Variants in GPR107 observed in about 807,000 individuals in gnomAD.
The protein encoded by GPR107 is protein GPR107.
A neutral mutation model predicts 75.5 loss-of-function variants in GPR107; 31 were observed. The ratio of observed to expected loss-of-function variants is 0.41; its 90% confidence interval spans 0.31 to 0.55. GPR107 has a LOEUF of 0.55. GPR107 is among the 20% of genes least tolerant of loss of function. The pLI, the probability that GPR107 is intolerant of heterozygous loss-of-function variation, is 0.26. For synonymous variants in GPR107, 267 were observed against 251.3 expected, an observed-to-expected ratio of 1.06 and a Z score of -0.59; for missense variants, 572 against 665.7, an observed-to-expected ratio of 0.86 and a Z score of 1.55.
At chr9:130,084,047 C>CATATATATATATATATATATATATAT (rs139002438) in intron 6 of GPR107, among the ~76,000 whole-genome samples, 68 of 130,886 alleles carry the variant, frequency 5.2e-4, no homozygotes, top group East Asian at 8.7e-4. Flanking sequence ...AGAGAGCTAA[C>CATATATATATATATATATATATATAT]ATATATATAT....
chr9:130,083,861 T>C (rs1241467339), intron 6 of GPR107, among the ~76,000 whole-genome samples: 3 of 152,098 alleles, frequency 2.0e-5, no homozygotes, highest in African/African-American at 7.2e-5. Context: ...CTGTGTACTT[T>C]AAATCATCTC....
At chr9:130,129,739 A>T (rs1831772598) in intron 17 of GPR107, 1 of 152,302 alleles carries the variant, frequency 6.6e-6, no homozygotes, top group African/African-American at 2.4e-5. Context: ...CACACATGTC[A>T]GGCTGGCAAC....
chr9:130,092,122 G>A (rs1177995052), intron 8 of GPR107, 126 bp from the exon 9 acceptor site: 7 of 742,170 alleles, frequency 9.4e-6, no homozygotes, highest in Non-Finnish European at 1.6e-5. Flanking sequence ...TTACAGGTGT[G>A]AGCCACCATG....
chr9:130,124,954 AT>A lies in GPR107; in HGVS notation c.1348del (p.Tyr450ThrfsTer3). 1 of 1,463,034 alleles carries A rather than the reference AT, an allele frequency of 6.8e-7. No individual in the cohort carries two copies. The allele number at this position is 1,463,034 out of a possible 1,614,324, so 90.6% of individuals were successfully genotyped here. ...GCAAAGCTGAAACTTTTCAGACATT[AT>A]TACGTCTTGGTAAGTAAAAAAAAAA... ...NLAKLKLFRH[Y>X]YVLIVCYIYF... is the part of the protein sequence containing the mutation. On this transcript the variant is annotated frameshift_variant, in exon 15 of 18. Coordinates refer to ENST00000347136, the MANE Select transcript of GPR107 (RefSeq NM_020960.5). LOFTEE classifies it high-confidence loss of function.
chr9:130,078,299 G>A (rs1365091553), intron 4 of GPR107, among the ~76,000 whole-genome samples: 1 of 152,108 alleles, frequency 6.6e-6, no homozygotes, highest in African/African-American at 2.4e-5. Context: ...AGACTTGCCT[G>A]TAAGGTAGAC....
At chr9:130,079,346 C>T (rs967657586) in intron 4 of GPR107, among the ~76,000 whole-genome samples, 1 of 152,222 alleles carries the variant, frequency 6.6e-6, no homozygotes, top group African/African-American at 2.4e-5. Flanking sequence ...TTTAACGATA[C>T]TTAAGGAGAA....
intron 14 of GPR107, among the ~76,000 whole-genome samples, chr9:130,116,751 T>C (rs1831436499): frequency 6.6e-6 from 1 of 152,158 alleles, no homozygotes; most frequent in African/African-American, 2.4e-5. Flanking sequence ...CAGAAGTCTT[T>C]GTCAGAGCTA....
At chr9:130,073,066 A>G (rs1415292729) in intron 1 of GPR107, among the ~76,000 whole-genome samples, 4 of 152,198 alleles carry the variant, frequency 2.6e-5, no homozygotes, top group Non-Finnish European at 4.4e-5. Flanking sequence ...AAGTCCCAGG[A>G]AAGCCCCTTT....
intron 1 of GPR107, among the ~76,000 whole-genome samples, chr9:130,065,854 C>T (rs532298940): frequency 2.0e-5 from 3 of 151,456 alleles, no homozygotes; most frequent in Admixed American, 1.3e-4. Context: ...CGGTGCCAGT[C>T]GATCAGGACC....
intron 14 of GPR107, among the ~76,000 whole-genome samples, chr9:130,117,961 G>A (rs1831465858): frequency 6.6e-6 from 1 of 152,214 alleles, no homozygotes; most frequent in Non-Finnish European, 1.5e-5. Context: ...GCATCGTCCT[G>A]AACTAATCGT....
intron 8 of GPR107, among the ~76,000 whole-genome samples, chr9:130,091,526 CTTTTTTT>C (rs375016486): frequency 1.6e-5 from 2 of 123,198 alleles, no homozygotes; most frequent in African/African-American, 6.0e-5. Context: ...CTGGTACTCA[CTTTTTTT>C]TTTTTTTTTT....
At chr9:130,127,406 T>C in intron 15 of GPR107, 77 bp from the exon 16 acceptor site, 1 of 792,696 alleles carries the variant, frequency 1.3e-6, no homozygotes. Context: ...CCTAGTTCAT[T>C]TGTGAAAGCA....
chr9:130,085,198 G>T (rs1830587161), intron 6 of GPR107, among the ~76,000 whole-genome samples: 1 of 152,164 alleles, frequency 6.6e-6, no homozygotes, highest in Non-Finnish European at 1.5e-5. Context: ...GTTGTTAGAA[G>T]GACCAGGAAG....
chr9:130,131,723 G>C (rs1055503333), intron 17 of GPR107, among the ~76,000 whole-genome samples: 5 of 152,118 alleles, frequency 3.3e-5, no homozygotes, highest in Admixed American at 2.6e-4. Context: ...GTCTCCTGCA[G>C]CCATGGCTGA....
At chr9:130,058,942 G>A (rs1026302260) in intron 1 of GPR107, among the ~76,000 whole-genome samples, 2 of 152,108 alleles carry the variant, frequency 1.3e-5, no homozygotes, top group Non-Finnish European at 2.9e-5. Context: ...TCCACTGTTT[G>A]GCCATTATGA....
chr9:130,099,329 G>T, intron 9 of GPR107, 128 bp from the exon 10 acceptor site: 1 of 569,196 alleles, frequency 1.8e-6, no homozygotes, highest in Non-Finnish European at 3.1e-6. Context: ...AAAAAAAAAA[G>T]TTTCATGTTT....
Position 130,078,961 on chromosome 9 carries a change from GCTTT to G in GPR107, c.387-664_387-661del, listed in dbSNP as rs964928024. ...TCTCGTGCTTCCCTGGATTTCACTT[GCTTT>G]CTTTATTTTTTGAGACGGGGTCTCG... On this transcript the variant is annotated intron_variant, in intron 4 of 17. Coordinates refer to ENST00000347136, the MANE Select transcript of GPR107 (RefSeq NM_020960.5). 5.3e-5 allele frequency among the ~76,000 whole-genome samples: 8 copies of G among 152,160 alleles called. 1 individual carries two copies. The highest frequency in any genetic ancestry group is 1.3e-4 in the Admixed American group (2 of 15,276).
chr9:130,107,173 A>G (rs550615886), intron 13 of GPR107, among the ~76,000 whole-genome samples: 3 of 152,118 alleles, frequency 2.0e-5, no homozygotes, highest in East Asian at 3.9e-4. Context: ...CTCCATTGTC[A>G]TGGGAGTGTT....
At chr9:130,097,447 G>A (rs966832619) in intron 9 of GPR107, among the ~76,000 whole-genome samples, 2 of 151,468 alleles carry the variant, frequency 1.3e-5, no homozygotes, top group African/African-American at 2.4e-5. Flanking sequence ...GAGCCACTGC[G>A]CCCAGCCATC....
Sources: gnomAD v4.1 joint callset for allele counts (sites outside exome capture counted in the v4.1 genomes callset) on GRCh38, gnomAD v4.1.1 for gene constraint, MANE v1.5 for transcripts, NCBI Gene and HGNC (gene_info 2026-07-23, HGNC 2026-07-21) for gene names.